The following ZNF248 variants were observed in gnomAD, a reference collection of about 807,000 sequenced individuals.
ZNF248 encodes KRAB protein domain.
ZNF248 carries 20 observed loss-of-function variants against 44.3 expected under a neutral mutation model. The observed-to-expected ratio is 0.45, with a 90% CI of 0.32 to 0.66. The LOEUF (loss-of-function observed/expected upper bound fraction) is 0.66. Ranked by LOEUF, ZNF248 falls within the 30% of genes least tolerant of loss-of-function variation. The pLI is 0.04. For missense variants in ZNF248, 654 were observed against 677.0 expected, an observed-to-expected ratio of 0.97 and a Z score of 0.38; for synonymous variants, 224 against 229.0, an observed-to-expected ratio of 0.98 and a Z score of 0.20.
At chr10:37,847,463 G>T (rs1367697529) in intron 3 of ZNF248, among the ~76,000 whole-genome samples, 1 of 152,160 alleles carries the variant, frequency 6.6e-6, no homozygotes. Context: ...CATGATAATT[G>T]TATTGTGGTT....
chr10:37,783,035 C>A (rs1344585960), intron 6 of ZNF248, among the ~76,000 whole-genome samples: 1 of 152,150 alleles, frequency 6.6e-6, no homozygotes. Context: ...ATGATCTACC[C>A]TCTTCTTGAG....
intron 6 of ZNF248, among the ~76,000 whole-genome samples, chr10:37,813,754 G>T (rs568977893): frequency 6.6e-6 from 1 of 152,294 alleles, no homozygotes; most frequent in South Asian, 2.1e-4. Context: ...TTATGTGCGT[G>T]TGCATGTGTT....
At chr10:37,848,348 C>G (rs559942304) in intron 3 of ZNF248, among the ~76,000 whole-genome samples, 1 of 152,188 alleles carries the variant, frequency 6.6e-6, no homozygotes, top group African/African-American at 2.4e-5. Flanking sequence ...CTTTGAGAGG[C>G]TGAGATGGAC....
At chr10:37,823,205 G>A (rs1233320052) in intron 6 of ZNF248, among the ~76,000 whole-genome samples, 4 of 151,396 alleles carry the variant, frequency 2.6e-5, no homozygotes, top group African/African-American at 7.3e-5. Flanking sequence ...ATGGTGGCAC[G>A]TGCCTGTAGT....
chr10:37,819,997 C>T lies in ZNF248; in HGVS notation c.330+13028G>A, dbSNP rs950316273. 2.7e-5 allele frequency: 21 copies of T among 772,990 alleles called. No homozygotes were observed. The African/African-American group carries it at 2.9e-4, about 11-fold the overall frequency. 47.9% of individuals were successfully genotyped at this position (772,990 alleles called of 1,614,324 possible). On this transcript the variant is annotated intron_variant, in intron 6 of 6. Transcript: ENST00000615949. Reference sequence around the variant, plus strand: ...GCGGTCTTGCATGCTCTTATCTCTACATGCCATCTTCTCTTTTTGACTTTT... The same window carrying T: ...GCGGTCTTGCATGCTCTTATCTCTATATGCCATCTTCTCTTTTTGACTTTT...
At chr10:37,760,230 TG>T in the ZNF248 span, among the ~76,000 whole-genome samples, 1 of 151,782 alleles carries the variant, frequency 6.6e-6, no homozygotes, top group Admixed American at 6.6e-5. Flanking sequence ...CTGGGTTTTT[TG>T]TTTTGTTTTG....
chr10:37,836,485 G>A (rs1324535766), intron 5 of ZNF248, among the ~76,000 whole-genome samples: 1 of 152,062 alleles, frequency 6.6e-6, no homozygotes, highest in East Asian at 1.9e-4. Flanking sequence ...AACATTCTAA[G>A]AACACACCTG....
At chr10:37,854,638 T>C (rs1213704657) in intron 3 of ZNF248, among the ~76,000 whole-genome samples, 1 of 152,180 alleles carries the variant, frequency 6.6e-6, no homozygotes, top group African/African-American at 2.4e-5. Flanking sequence ...AACAAAATAA[T>C]ACTATCTCTA....
intron 6 of ZNF248, among the ~76,000 whole-genome samples, chr10:37,782,030 A>G (rs2047378813): frequency 6.6e-6 from 1 of 152,250 alleles, no homozygotes; most frequent in African/African-American, 2.4e-5. Context: ...TAATAGATTT[A>G]GCATTATCAG....
At chr10:37,840,956 C>G (rs1237469810) in intron 3 of ZNF248, among the ~76,000 whole-genome samples, 1 of 152,166 alleles carries the variant, frequency 6.6e-6, no homozygotes, top group Non-Finnish European at 1.5e-5. Context: ...ATTGAAAACA[C>G]AGCCTCATGG....
chr10:37,810,520 G>C (rs1372313928), intron 6 of ZNF248, among the ~76,000 whole-genome samples: 1 of 151,826 alleles, frequency 6.6e-6, no homozygotes, highest in Non-Finnish European at 1.5e-5. Context: ...AAACTGCATG[G>C]GTCTGTTATA....
intron 6 of ZNF248, among the ~76,000 whole-genome samples, chr10:37,815,232 A>G (rs1049984898): frequency 1.3e-5 from 2 of 151,916 alleles, no homozygotes; most frequent in African/African-American, 2.4e-5. Flanking sequence ...ATGCATGGCT[A>G]ATTTTTGTAC....
the ZNF248 span, among the ~76,000 whole-genome samples, chr10:37,766,816 A>G: frequency 3.3e-5 from 5 of 152,164 alleles, no homozygotes; most frequent in South Asian, 2.1e-4. Context: ...TCAGATGATC[A>G]AATTACTCCG....
At chr10:37,786,510 T>A (rs147648509) in intron 6 of ZNF248, among the ~76,000 whole-genome samples, 415 of 152,274 alleles carry the variant, frequency 2.7e-3, no homozygotes, top group African/African-American at 9.2e-3. Context: ...AAAAGTGCTA[T>A]ATGCATTATA....
In ZNF248 at chr10:37,832,506, T is replaced by C. The variant is rs972826424; in HGVS notation, c.849A>G (p.Leu283=). 6.2e-7 allele frequency: 1 copy of C among 1,613,838 alleles called. No individual in the cohort carries two copies. Among genetic ancestry groups the C allele is most frequent in the African/African-American group, 1.3e-5 (1 of 74,920 alleles). The change falls in exon 6 of 6, where the codon TTA becomes TTG. Residue 283 remains leucine, a synonymous_variant. Coordinates refer to ENST00000395867, the MANE Select transcript of ZNF248 (RefSeq NM_021045.3). ...TAAGAGCTCTCTGATGTCCAAACCTTAAATTCATGCAGAAGGACTTCCCGC... is the reference window on the plus strand; with the variant it reads ...TAAGAGCTCTCTGATGTCCAAACCTCAAATTCATGCAGAAGGACTTCCCGC... ...SICGKSFCMN[L]RFGHQRALTK...
intron 5 of ZNF248, among the ~76,000 whole-genome samples, chr10:37,834,339 A>G (rs1401057824): frequency 6.6e-6 from 1 of 152,136 alleles, no homozygotes; most frequent in Non-Finnish European, 1.5e-5. Context: ...GTGTTACTAT[A>G]ATGTAACTGT....
chr10:37,814,432 A>T (rs138184853), intron 6 of ZNF248, among the ~76,000 whole-genome samples: 286 of 152,338 alleles, frequency 1.9e-3, no homozygotes, highest in African/African-American at 6.6e-3. Context: ...AGTTACAGTA[A>T]TACATCTTTG....
At chr10:37,783,218 C>A (rs1403501433) in intron 6 of ZNF248, among the ~76,000 whole-genome samples, 2 of 152,090 alleles carry the variant, frequency 1.3e-5, no homozygotes, top group Non-Finnish European at 2.9e-5. Context: ...GCCAAGAATA[C>A]CTAGCAATAG....
chr10:37,847,318 T>C (rs1433780605), intron 3 of ZNF248, among the ~76,000 whole-genome samples: 1 of 152,220 alleles, frequency 6.6e-6, no homozygotes, highest in Admixed American at 6.5e-5. Context: ...ACATATTTTG[T>C]GGCTATAGTT....
Sources: allele counts gnomAD v4.1 joint callset (sites outside exome capture counted in the v4.1 genomes callset), GRCh38; gene constraint gnomAD v4.1.1; transcripts MANE v1.5; gene names NCBI Gene and HGNC (gene_info 2026-07-23, HGNC 2026-07-21).